The following SYNPO2 variants were observed in gnomAD, a reference collection of about 807,000 sequenced individuals.
SYNPO2 encodes the protein synaptopodin 2.
Under a neutral mutation model 85.0 loss-of-function variants are expected in SYNPO2, and 56 were observed. That is an observed-to-expected ratio of 0.66 (90% CI 0.53 to 0.82). The LOEUF (loss-of-function observed/expected upper bound fraction) is 0.82. Ranked by LOEUF, SYNPO2 falls within the 40% of genes least tolerant of loss-of-function variation. The probability of loss-of-function intolerance (pLI) is 0.00; values close to 1 mark genes in which losing one functional copy is unlikely to be tolerated. For synonymous variants in SYNPO2, 602 were observed against 591.1 expected (o/e 1.02, Z -0.27); for missense variants, 1,575 against 1,534.2 (o/e 1.03, Z -0.44).
At chr4:118,945,403 T>C (rs987350414) in intron 1 of SYNPO2, among the ~76,000 whole-genome samples, 4 of 152,150 alleles carry the variant, frequency 2.6e-5, no homozygotes, top group Non-Finnish European at 4.4e-5. Flanking sequence ...CAAATGGGAA[T>C]GAGTTAAAGA....
intron 3 of SYNPO2, 68 bp from the exon 4 acceptor site, chr4:119,029,777 T>C (rs1738131643): frequency 2.0e-6 from 3 of 1,463,436 alleles, no homozygotes; most frequent in Non-Finnish European, 9.0e-7. Flanking sequence ...AGTTCATTTC[T>C]GAGTTGCTGT....
intron 1 of SYNPO2, among the ~76,000 whole-genome samples, chr4:118,936,743 A>C (rs1734119599): frequency 6.6e-6 from 1 of 152,070 alleles, no homozygotes; most frequent in South Asian, 2.1e-4. Flanking sequence ...GATCACTAAC[A>C]ATTATCTATT....
intron 1 of SYNPO2, among the ~76,000 whole-genome samples, chr4:118,986,846 C>T (rs745963687): frequency 6.6e-6 from 1 of 152,150 alleles, no homozygotes; most frequent in Admixed American, 6.5e-5. Context: ...TCAGAGGAAC[C>T]AGGAAATAGA....
intron 1 of SYNPO2, among the ~76,000 whole-genome samples, chr4:118,964,266 A>G (rs917416448): frequency 6.6e-6 from 1 of 151,904 alleles, no homozygotes; most frequent in African/African-American, 2.4e-5. Flanking sequence ...CCTGGGCAAC[A>G]GGCAAAACCC....
intron 1 of SYNPO2, among the ~76,000 whole-genome samples, chr4:118,936,087 C>T (rs375570585): frequency 1.3e-5 from 2 of 152,222 alleles, no homozygotes; most frequent in African/African-American, 4.8e-5. Flanking sequence ...GCTCAAGGGT[C>T]AACTGTACTT....
chr4:118,978,117 T>C lies in SYNPO2; in HGVS notation c.106-45313T>C, dbSNP rs543403425. On this transcript the variant is annotated intron_variant, in intron 1 of 4. Coordinates refer to ENST00000307142, the MANE Select transcript of SYNPO2 (RefSeq NM_133477.3). ...GAATTCCTTGAAAACGTCAATGGCTTATGATGTCATAACTTATTGATTTTC... is the reference window on the plus strand; with the variant it reads ...GAATTCCTTGAAAACGTCAATGGCTCATGATGTCATAACTTATTGATTTTC... 3.9e-5 allele frequency among the ~76,000 whole-genome samples: 6 copies of C among 152,326 alleles called. No homozygotes were observed. In the South Asian group the frequency reaches 1.0e-3, roughly 26 times the overall value.
Position 119,058,005 on chromosome 4 carries a change from T to G in SYNPO2, c.*71T>G. The G allele has an allele frequency of 1.3e-6, 2 of 1,482,666 alleles. No individual in the cohort carries two copies. The highest frequency in any genetic ancestry group is 1.8e-6 in the Non-Finnish European group (2 of 1,105,262). The allele number at this position is 1,482,666 out of a possible 1,614,324, so 91.8% of individuals were successfully genotyped here. A position where few individuals can be genotyped will look rare whatever the true frequency, so the allele number is the denominator to read the frequency against. ...AACGCTCCTTTGTAGGGTTTTAAAC[T>G]TTTCTAATAGATTTAGATTCACTTT... is the stretch of plus-strand genomic sequence containing the variant. On this transcript the variant is annotated 3_prime_UTR_variant, in exon 5 of 5. Transcript: ENST00000307142.
At chr4:118,965,243 C>T (rs1184783097) in intron 1 of SYNPO2, among the ~76,000 whole-genome samples, 2 of 152,122 alleles carry the variant, frequency 1.3e-5, no homozygotes, top group Admixed American at 1.3e-4. Flanking sequence ...CTTCAAATGA[C>T]AGAGGGCACA....
At chr4:118,931,948 C>G (rs1733944752) in intron 1 of SYNPO2, among the ~76,000 whole-genome samples, 1 of 152,160 alleles carries the variant, frequency 6.6e-6, no homozygotes, top group Non-Finnish European at 1.5e-5. Context: ...GTTCTGAATA[C>G]CGTCACTGCT....
At position 119,060,508 on chromosome 4, in the gene SYNPO2, T is replaced by C. The variant is rs963683088; in HGVS notation, c.*2574T>C. On this transcript the variant is annotated 3_prime_UTR_variant, in exon 5 of 5. Coordinates refer to ENST00000307142, the MANE Select transcript of SYNPO2 (RefSeq NM_133477.3). ...GTTAGATTGCTCACATTGAAGCTAA[T>C]GGTTGAGACAAGACACCTGCCAGAG... is the stretch of plus-strand genomic sequence containing the variant. The C allele has an allele frequency of 6.6e-6, 1 of 152,198 alleles. No individual in the cohort carries two copies. The highest frequency in any genetic ancestry group is 2.4e-5 in the African/African-American group (1 of 41,462). The allele number at this position is 152,198 out of a possible 1,614,324, so 9.4% of individuals were successfully genotyped here. A position where few individuals can be genotyped will look rare whatever the true frequency, so the allele number is the denominator to read the frequency against.
rs148873051 is a variant in SYNPO2 at position 118,881,720 on chromosome 4, C to T, written c.12+30780C>T. Among the ~76,000 whole-genome samples, 719 of 152,280 alleles carry T rather than the reference C, an allele frequency of 4.7e-3. 4 individuals are homozygous for T. The highest frequency in any genetic ancestry group is 7.3e-3 in the Non-Finnish European group (497 of 68,030). On this transcript the variant is annotated intron_variant, in intron 1 of 4. Transcript: ENST00000610556. Reference sequence around the variant, plus strand: ...TTCGGCCTCCAAGTGAGAGACGGCACATAGATCATAGGGAAGTTGTTTTGG... The same window carrying T: ...TTCGGCCTCCAAGTGAGAGACGGCATATAGATCATAGGGAAGTTGTTTTGG...
At chr4:118,900,701 CTCTATATA>C (rs1193876637) in intron 1 of SYNPO2, among the ~76,000 whole-genome samples, 20 of 27,188 alleles carry the variant, frequency 7.4e-4, no homozygotes, top group South Asian at 2.9e-3. Flanking sequence ...CTCTCTCTCT[CTCTATATA>C]TATATATATA....
intron 1 of SYNPO2, among the ~76,000 whole-genome samples, chr4:118,890,033 T>C (rs1732309650): frequency 6.6e-6 from 1 of 152,226 alleles, no homozygotes; most frequent in Admixed American, 6.5e-5. Context: ...ATTAATTTCC[T>C]ATTTTATGCT....
At chr4:118,910,551 A>C (rs1733101528) in intron 1 of SYNPO2, among the ~76,000 whole-genome samples, 1 of 152,144 alleles carries the variant, frequency 6.6e-6, no homozygotes, top group Admixed American at 6.6e-5. Flanking sequence ...ATTTCTGCTA[A>C]TTGATAAGAT....
chr4:118,913,088 A>G (rs1055474951), intron 1 of SYNPO2, among the ~76,000 whole-genome samples: 2 of 152,204 alleles, frequency 1.3e-5, no homozygotes, highest in African/African-American at 4.8e-5. Context: ...GCTTTGTGCA[A>G]CAGTACTATG....
intron 1 of SYNPO2, among the ~76,000 whole-genome samples, chr4:118,943,759 G>T (rs575251390): frequency 1.6e-4 from 24 of 152,242 alleles, no homozygotes; most frequent in African/African-American, 5.8e-4. Flanking sequence ...TTGAGGACAG[G>T]CTATAAATTA....
chr4:118,860,238 C>T (rs1053250742), intron 1 of SYNPO2, among the ~76,000 whole-genome samples: 2 of 152,018 alleles, frequency 1.3e-5, no homozygotes, highest in African/African-American at 4.8e-5. Flanking sequence ...TGTGCACAAC[C>T]CCCCCGCCAC....
At chr4:118,919,495 A>G (rs1383717841) in intron 1 of SYNPO2, among the ~76,000 whole-genome samples, 1 of 152,200 alleles carries the variant, frequency 6.6e-6, no homozygotes. Context: ...ACCATAAATC[A>G]AACTGGGCTC....
intron 4 of SYNPO2, among the ~76,000 whole-genome samples, chr4:119,040,142 G>A (rs576212766): frequency 6.6e-6 from 1 of 152,296 alleles, no homozygotes; most frequent in Admixed American, 6.5e-5. Flanking sequence ...CACAGAGAAA[G>A]TATTCAACAC....
Sources: allele counts gnomAD v4.1 joint callset (sites outside exome capture counted in the v4.1 genomes callset), GRCh38; gene constraint gnomAD v4.1.1; transcripts MANE v1.5; gene names NCBI Gene and HGNC (gene_info 2026-07-23, HGNC 2026-07-21).